The following FRMD4B variants were observed in gnomAD, a reference collection of about 807,000 sequenced individuals.
The protein encoded by FRMD4B is FERM domain-containing protein 4B.
Under a neutral mutation model 141.5 loss-of-function variants are expected in FRMD4B, and 74 were observed. The observed-to-expected ratio is 0.52, with a 90% CI of 0.43 to 0.63. The LOEUF is 0.63. Among genes scored for constraint, FRMD4B ranks in the 30% least tolerant of loss-of-function variants. The probability of loss-of-function intolerance (pLI) is 0.00; values close to 1 mark genes in which losing one functional copy is unlikely to be tolerated. For synonymous variants in FRMD4B, 506 were observed against 467.9 expected (o/e 1.08, Z -1.05); for missense variants, 1,366 against 1,253.4 (o/e 1.09, Z -1.36).
chr3:69,475,932 T>C (rs967438066), intron 1 of FRMD4B, among the ~76,000 whole-genome samples: 1 of 151,862 alleles, frequency 6.6e-6, no homozygotes, highest in African/African-American at 2.4e-5. Flanking sequence ...ATTGTGGTTT[T>C]GATTTGCATT....
In FRMD4B at chr3:69,189,904, T is replaced by G; in HGVS notation, c.1763A>C (p.Tyr588Ser). Residue 588 changes from tyrosine to serine, a missense_variant, in exon 18 of 23, where the codon TAT becomes TCT. By Grantham distance (144) the Tyr-to-Ser change is moderately radical (BLOSUM62 -2). Coordinates refer to ENST00000398540, the MANE Select transcript of FRMD4B (RefSeq NM_015123.3). The part of the protein sequence containing the change: ...ESSSLSDTTT[Y>S]DDPSDAFTFP... Reference sequence around the variant, plus strand: ...AAGGAAGAGCCACTTACGATCATCATAGGTGGTGGTGTCAGACAAAGAGCT... The same window carrying G: ...AAGGAAGAGCCACTTACGATCATCAGAGGTGGTGGTGTCAGACAAAGAGCT... The G allele has an allele frequency of 6.3e-7, 1 of 1,590,914 alleles. No individual in the cohort carries two copies. The highest frequency in any genetic ancestry group is 2.2e-5 in the East Asian group (1 of 44,680).
At chr3:69,247,550 G>C (rs773774839) in intron 7 of FRMD4B, among the ~76,000 whole-genome samples, 2 of 152,098 alleles carry the variant, frequency 1.3e-5, no homozygotes, top group Non-Finnish European at 2.9e-5. Context: ...GCAGTGGCGC[G>C]ATCTTGGCTC....
intron 2 of FRMD4B, among the ~76,000 whole-genome samples, chr3:69,411,271 GT>G (rs1364004578): frequency 6.6e-6 from 1 of 152,174 alleles, no homozygotes; most frequent in Non-Finnish European, 1.5e-5. Context: ...ATTCTCTGTT[GT>G]TTCTCAAAAT....
chr3:69,292,038 C>G (rs150266620), intron 4 of FRMD4B, among the ~76,000 whole-genome samples: 4,115 of 150,500 alleles, frequency 0.027, 175 homozygotes, highest in African/African-American at 0.094. Context: ...TTAGGCCATA[C>G]AGCTAGCAAG....
chr3:69,324,159 C>CCCA (rs1702105364), intron 1 of FRMD4B, among the ~76,000 whole-genome samples: 2 of 152,180 alleles, frequency 1.3e-5, no homozygotes, highest in Non-Finnish European at 2.9e-5. Flanking sequence ...AATTAATCTC[C>CCCA]ACCTGTTGGG....
At chr3:69,178,538 G>C (rs1269730598) in intron 21 of FRMD4B, among the ~76,000 whole-genome samples, 1 of 152,062 alleles carries the variant, frequency 6.6e-6, no homozygotes. Context: ...CAGGCATGGT[G>C]GTGTGTACTT....
chr3:69,506,033 T>C (rs1385158757), intron 1 of FRMD4B, among the ~76,000 whole-genome samples: 1 of 152,202 alleles, frequency 6.6e-6, no homozygotes. Context: ...CGCTGAATGC[T>C]GGTGAATAGG....
chr3:69,435,199 A>T (rs1705242196), intron 1 of FRMD4B, among the ~76,000 whole-genome samples: 1 of 152,076 alleles, frequency 6.6e-6, no homozygotes, highest in Non-Finnish European at 1.5e-5. Flanking sequence ...AGCCCATAAC[A>T]CTCACCAAGT....
intron 3 of FRMD4B, among the ~76,000 whole-genome samples, chr3:69,309,594 C>G (rs962581419): frequency 8.7e-5 from 13 of 149,446 alleles, no homozygotes; most frequent in African/African-American, 3.2e-4. Flanking sequence ...AGATGTGTCA[C>G]CATACCTGGC....
intron 1 of FRMD4B, among the ~76,000 whole-genome samples, chr3:69,517,940 T>C (rs1700791759): frequency 6.6e-6 from 1 of 152,146 alleles, no homozygotes; most frequent in Non-Finnish European, 1.5e-5. Context: ...ACCACAGAGT[T>C]TCTGATTCTG....
At chr3:69,474,599 T>C (rs1481017489) in intron 1 of FRMD4B, among the ~76,000 whole-genome samples, 2 of 152,166 alleles carry the variant, frequency 1.3e-5, no homozygotes, top group Non-Finnish European at 2.9e-5. Flanking sequence ...CATATATTAT[T>C]ACAACAGCAA....
chr3:69,343,472 A>T (rs921120015), intron 1 of FRMD4B, among the ~76,000 whole-genome samples: 19 of 151,734 alleles, frequency 1.3e-4, no homozygotes, highest in Non-Finnish European at 2.6e-4. Context: ...AGTTGACATT[A>T]TTCAATTCCT....
At chr3:69,180,414 C>A (rs2107589597) in intron 21 of FRMD4B, among the ~76,000 whole-genome samples, 1 of 152,112 alleles carries the variant, frequency 6.6e-6, no homozygotes, top group East Asian at 1.9e-4. Context: ...GGTGGTGAAC[C>A]AGGAGGGATG....
chr3:69,221,875 T>C lies in FRMD4B; in HGVS notation c.714A>G (p.Arg238=), dbSNP rs764073006. 1 of 1,561,598 alleles carries C rather than the reference T, an allele frequency of 6.4e-7. No individual in the cohort carries two copies. Among genetic ancestry groups the C allele is most frequent in the Non-Finnish European group, 8.8e-7 (1 of 1,137,458 alleles). ...EHYLKIKGLT[R]GQAVVQYMKI... The stretch of plus-strand genomic sequence containing the variant: ...ATACTTACTGAACCACAGCTTGACC[T>C]CGAGTGAGACCTTTGATTTTCAAAT... The change falls in exon 9 of 23, where the codon CGA becomes CGG. Residue 238 remains arginine, a synonymous_variant. Coordinates refer to ENST00000398540, the MANE Select transcript of FRMD4B (RefSeq NM_015123.3).
intron 21 of FRMD4B, 22 bp from the exon 22 acceptor site, chr3:69,176,678 G>A: frequency 6.4e-7 from 1 of 1,552,944 alleles, no homozygotes; most frequent in South Asian, 1.1e-5. Flanking sequence ...AATGGAAAAA[G>A]ATAAAATTAA....
rs577275162 is a variant in FRMD4B, at chr3:69,215,284, C to CTTTTT, written c.876+974_876+978dup. Among the ~76,000 whole-genome samples, 60 of 45,222 alleles carry CTTTTT rather than the reference C, an allele frequency of 1.3e-3. 18 individuals are homozygous for CTTTTT. Among genetic ancestry groups the CTTTTT allele is most frequent in the Admixed American group, 4.9e-3 (11 of 2,260 alleles). The allele number at this position is 45,222 out of a possible 152,430, so 29.7% of individuals were successfully genotyped here. A position where few individuals can be genotyped will look rare whatever the true frequency, so the allele number is the denominator to read the frequency against. Reference sequence around the variant, plus strand: ...TCCAAATCTGATAGATTGTGACCCTCTTTTTTTTTTTTTTTTTTTTTTTTT... The same window carrying CTTTTT: ...TCCAAATCTGATAGATTGTGACCCTCTTTTTTTTTTTTTTTTTTTTTTTTTTTTTT... On this transcript the variant is annotated intron_variant, in intron 11 of 22. Coordinates refer to ENST00000398540, the MANE Select transcript of FRMD4B (RefSeq NM_015123.3).
At chr3:69,445,769 G>A (rs1049767507) in intron 1 of FRMD4B, among the ~76,000 whole-genome samples, 1 of 152,054 alleles carries the variant, frequency 6.6e-6, no homozygotes, top group African/African-American at 2.4e-5. Context: ...AATTCAACTC[G>A]CATGACCTTC....
At chr3:69,213,915 T>C (rs993713574) in intron 11 of FRMD4B, among the ~76,000 whole-genome samples, 2 of 151,932 alleles carry the variant, frequency 1.3e-5, no homozygotes, top group Admixed American at 6.6e-5. Context: ...TGGCCTTAAG[T>C]AGTCCTCCCA....
intron 7 of FRMD4B, among the ~76,000 whole-genome samples, chr3:69,236,338 C>T (rs1350824474): frequency 1.3e-5 from 2 of 151,778 alleles, no homozygotes; most frequent in Non-Finnish European, 2.9e-5. Context: ...AACAGATCCT[C>T]CTGCCTCAGC....
Sources: gnomAD v4.1 joint callset for allele counts (sites outside exome capture counted in the v4.1 genomes callset) on GRCh38, gnomAD v4.1.1 for gene constraint, MANE v1.5 for transcripts, NCBI Gene and HGNC (gene_info 2026-07-23, HGNC 2026-07-21) for gene names.